The following ZNF892 variants were observed in gnomAD, a reference collection of about 807,000 sequenced individuals.
ZNF892 encodes the protein zinc finger protein 570-like.
At chr2:95,256,552 G>A in the ZNF892 span, among the ~76,000 whole-genome samples, 1 of 152,174 alleles carries the variant, frequency 6.6e-6, no homozygotes, top group Non-Finnish European at 1.5e-5. Context: ...TATGTGTCTT[G>A]GAGTTGCTCT....
At chr2:95,262,745 G>A in the ZNF892 span, among the ~76,000 whole-genome samples, 2 of 152,212 alleles carry the variant, frequency 1.3e-5, no homozygotes, top group African/African-American at 2.4e-5. Flanking sequence ...TTTTATGTGA[G>A]AGGAAATATA....
chr2:95,239,231 G>T, the ZNF892 span, among the ~76,000 whole-genome samples: 1 of 151,864 alleles, frequency 6.6e-6, no homozygotes, highest in Non-Finnish European at 1.5e-5. Flanking sequence ...ACAGACAGTT[G>T]CTTCTTGTGG....
the ZNF892 span, among the ~76,000 whole-genome samples, chr2:95,211,012 C>T: frequency 3.3e-5 from 5 of 152,116 alleles, no homozygotes; most frequent in South Asian, 6.3e-4. Context: ...TGAAAGAATG[C>T]CACCAACTGG....
chr2:95,231,379 A>C, the ZNF892 span, among the ~76,000 whole-genome samples: 16 of 152,344 alleles, frequency 1.1e-4, no homozygotes, highest in East Asian at 3.1e-3. Flanking sequence ...TAGAAGAGTC[A>C]CTGCTACTTT....
chr2:95,212,250 A>T, the ZNF892 span: 1 of 398,566 alleles, frequency 2.5e-6, no homozygotes, highest in South Asian at 1.3e-4. Context: ...GAAGAGCTGG[A>T]GAGAGAAGTC....
chr2:95,248,108 T>C, the ZNF892 span, among the ~76,000 whole-genome samples: 3 of 152,052 alleles, frequency 2.0e-5, no homozygotes, highest in East Asian at 3.8e-4. Context: ...CAACAGTGGA[T>C]TGGATAAAGA....
At chr2:95,216,325 C>T in the ZNF892 span, among the ~76,000 whole-genome samples, 1 of 152,138 alleles carries the variant, frequency 6.6e-6, no homozygotes, top group East Asian at 1.9e-4. Context: ...GAGACATTGC[C>T]TACTAAATCA....
the ZNF892 span, chr2:95,207,478 T>C: frequency 1.4e-4 from 31 of 227,920 alleles, no homozygotes; most frequent in African/African-American, 6.8e-4. Context: ...GTGTTGGGAG[T>C]GAGGGCCGTC....
At chr2:95,212,423 A>T in the ZNF892 span, 1 of 396,136 alleles carries the variant, frequency 2.5e-6, no homozygotes, top group African/African-American at 2.1e-5. Context: ...AGCTCTGTGG[A>T]TGGTTATCTG....
chr2:95,216,900 C>T, the ZNF892 span, among the ~76,000 whole-genome samples: 1 of 152,176 alleles, frequency 6.6e-6, no homozygotes, highest in African/African-American at 2.4e-5. Context: ...GTTGTAGTCT[C>T]ACAAGTTCCT....
the ZNF892 span, among the ~76,000 whole-genome samples, chr2:95,235,232 A>G: frequency 1.3e-5 from 2 of 152,246 alleles, no homozygotes; most frequent in Non-Finnish European, 1.5e-5. Flanking sequence ...GAAGGCATCC[A>G]GTCAAGATTT....
At chr2:95,241,688 AACAAACT>A in the ZNF892 span, among the ~76,000 whole-genome samples, 3 of 152,208 alleles carry the variant, frequency 2.0e-5, no homozygotes, top group Non-Finnish European at 2.9e-5. Context: ...AGTGGGTAAT[AACAAACT>A]TTGCTGAGCT....
At chr2:95,244,339 TAA>T in the ZNF892 span, among the ~76,000 whole-genome samples, 126 of 125,284 alleles carry the variant, frequency 1.0e-3, no homozygotes, top group African/African-American at 3.2e-3. Context: ...AATGATCAAT[TAA>T]AAAAAAAAAA....
chr2:95,244,652 A>T, the ZNF892 span, among the ~76,000 whole-genome samples: 95 of 152,266 alleles, frequency 6.2e-4, no homozygotes, highest in Non-Finnish European at 8.1e-4. Context: ...ATTTAAAAAG[A>T]TATTCAGGAC....
chr2:95,214,994 C>T, the ZNF892 span: 2 of 499,514 alleles, frequency 4.0e-6, no homozygotes, highest in South Asian at 5.3e-5. Flanking sequence ...GTTCATACCT[C>T]ACTCAACATC....
chr2:95,207,399 G>A, the ZNF892 span: 1 of 159,414 alleles, frequency 6.3e-6, no homozygotes. Flanking sequence ...CCTCCAGGTC[G>A]GTCAGGAGCG....
the ZNF892 span, among the ~76,000 whole-genome samples, chr2:95,219,060 G>A: frequency 3.2e-4 from 49 of 152,120 alleles, 1 homozygote; most frequent in Admixed American, 2.5e-3. Context: ...GTGCAGTGGC[G>A]CGATTTCAGC....
At chr2:95,237,436 ATGGTGAAC>A in the ZNF892 span, among the ~76,000 whole-genome samples, 1 of 152,162 alleles carries the variant, frequency 6.6e-6, no homozygotes, top group Non-Finnish European at 1.5e-5. Context: ...CGCCATTAAG[ATGGTGAAC>A]TTAATTGATA....
chr2:95,260,144 T>G, the ZNF892 span, among the ~76,000 whole-genome samples: 12 of 152,238 alleles, frequency 7.9e-5, no homozygotes, highest in African/African-American at 2.4e-4. Flanking sequence ...TGTCTGAGTT[T>G]CTGCTTTATG....
Sources: gnomAD v4.1 joint callset for allele counts (sites outside exome capture counted in the v4.1 genomes callset) on GRCh38, gnomAD v4.1.1 for gene constraint, MANE v1.5 for transcripts, NCBI Gene and HGNC (gene_info 2026-07-23, HGNC 2026-07-21) for gene names.